Variants in CYP3A5 observed in about 807,000 individuals in gnomAD.
CYP3A5 encodes cytochrome P450 family 3 subfamily A member 5.
Under a neutral mutation model 55.9 loss-of-function variants are expected in CYP3A5, and 51 were observed. The observed-to-expected ratio is 0.91, with a 90% CI of 0.73 to 1.15. The LOEUF is 1.15. CYP3A5 is among the 50% of genes most tolerant of loss of function. The pLI is 0.00. For synonymous variants in CYP3A5, 196 were observed against 213.9 expected (o/e 0.92, Z 0.73); for missense variants, 533 against 596.6 (o/e 0.89, Z 1.11).
At chr7:99,651,635 G>T (rs911637255) in intron 11 of CYP3A5, among the ~76,000 whole-genome samples, 1 of 152,154 alleles carries the variant, frequency 6.6e-6, no homozygotes, top group East Asian at 1.9e-4. Flanking sequence ...AAACTTGCAG[G>T]TAGGGGCTAA....
intron 4 of CYP3A5, chr7:99,671,239 TA>T (rs1296284345): frequency 6.5e-6 from 1 of 153,550 alleles, no homozygotes; most frequent in Non-Finnish European, 1.4e-5. Flanking sequence ...ACCTCTGCTT[TA>T]ATTCTTATCA....
At chr7:99,655,564 T>C (rs1809631741) in intron 10 of CYP3A5, among the ~76,000 whole-genome samples, 1 of 152,242 alleles carries the variant, frequency 6.6e-6, no homozygotes. Flanking sequence ...CAATGCGGGC[T>C]CTTTTTTGGT....
At position 99,672,659 on chromosome 7, in the gene CYP3A5, G is replaced by A; in HGVS notation, c.239C>T (p.Pro80Leu). 6.2e-7 allele frequency: 1 copy of A among 1,614,132 alleles called. No homozygotes were observed. The highest frequency in any genetic ancestry group is 8.5e-7 in the Non-Finnish European group (1 of 1,179,984). ...GTCGGGATCTGTGATGGCCAGCACA[G>A]GGAGTTGACCTTCATACGTTCTGTG... ...KMWGTYEGQL[P>L]VLAITDPDVI... Residue 80 changes from proline to leucine, a missense_variant, in exon 4 of 13, where the codon CCT becomes CTT. Pro to Leu is a moderately conservative substitution (Grantham distance 98). Transcript: ENST00000222982.
chr7:99,657,244 A>G (rs1172350518), intron 10 of CYP3A5, among the ~76,000 whole-genome samples: 1 of 152,142 alleles, frequency 6.6e-6, no homozygotes. Flanking sequence ...CCCTCTACAC[A>G]TTGCTTTGAA....
At chr7:99,672,197 G>GC (rs1472427562) in intron 4 of CYP3A5, among the ~76,000 whole-genome samples, 4 of 151,990 alleles carry the variant, frequency 2.6e-5, no homozygotes, top group Admixed American at 1.3e-4. Context: ...GACTACAGGC[G>GC]CATGCCACCA....
At chr7:99,651,025 A>T (rs1809131301) in intron 11 of CYP3A5, among the ~76,000 whole-genome samples, 3 of 152,306 alleles carry the variant, frequency 2.0e-5, no homozygotes, top group Non-Finnish European at 2.9e-5. Flanking sequence ...TTGTTGTCAT[A>T]TGTTTTTACA....
chr7:99,678,364 ACC>A (rs1812497272), intron 1 of CYP3A5, among the ~76,000 whole-genome samples: 1 of 152,242 alleles, frequency 6.6e-6, no homozygotes, highest in East Asian at 1.9e-4. Context: ...TATGGATCCT[ACC>A]TGGAAGCCTT....
intron 10 of CYP3A5, among the ~76,000 whole-genome samples, chr7:99,658,487 C>T (rs1337054905): frequency 1.3e-5 from 2 of 151,966 alleles, no homozygotes; most frequent in African/African-American, 4.8e-5. Flanking sequence ...GTGGGTAACC[C>T]GACCTTTCTC....
rs112257049 is a variant in CYP3A5, at chr7:99,666,595, A to C, written c.521+6T>G. 66 of 1,613,150 alleles carry C rather than the reference A, an allele frequency of 4.1e-5. No homozygotes were observed. In the African/African-American group the frequency reaches 4.4e-4, roughly 11 times the overall value. ...CTCAGAACCCCATGGCTGTGCTCCT[A>C]CTTACTCTTTCAAGGTGACAGGCTT... is the stretch of plus-strand genomic sequence containing the variant. On this transcript the variant is annotated splice_donor_region_variant and intron_variant, in intron 6 of 12. Coordinates refer to ENST00000222982, the MANE Select transcript of CYP3A5 (RefSeq NM_000777.5).
At chr7:99,679,237 G>C (rs1812590957) in intron 1 of CYP3A5, among the ~76,000 whole-genome samples, 1 of 152,070 alleles carries the variant, frequency 6.6e-6, no homozygotes, top group Admixed American at 6.5e-5. Flanking sequence ...GGATTTTCAG[G>C]GGCATGGCAC....
rs984494886 is a variant in CYP3A5 at position 99,676,113 on chromosome 7, A to C, written c.165+2T>G. The C allele has an allele frequency of 5.0e-6, 8 of 1,613,166 alleles. No homozygotes were observed. Among genetic ancestry groups the C allele is most frequent in the Non-Finnish European group, 6.8e-6 (8 of 1,179,524 alleles). On this transcript the variant is annotated splice_donor_variant, in intron 2 of 12. Coordinates refer to ENST00000222982, the MANE Select transcript of CYP3A5 (RefSeq NM_000777.5). LOFTEE classifies it high-confidence loss of function. ...GCAAAAGAGGAAGCTCAAGCAACTC[A>C]CCTGACGATAGGACAAAACATTTCC...
At chr7:99,665,792 G>A (rs1375362309) in intron 6 of CYP3A5, among the ~76,000 whole-genome samples, 1 of 152,190 alleles carries the variant, frequency 6.6e-6, no homozygotes, top group Non-Finnish European at 1.5e-5. Context: ...TGAGTTCCTA[G>A]AAATATCATC....
At chr7:99,679,792 G>A in intron 1 of CYP3A5, 34 bp downstream of exon 1, 1 of 1,609,260 alleles carries the variant, frequency 6.2e-7, no homozygotes, top group Non-Finnish European at 8.5e-7. Context: ...CCAAGTCCAA[G>A]GAAACAAAGA....
chr7:99,652,771 A>G lies in CYP3A5; in HGVS notation c.1035T>C (p.Pro345=), dbSNP rs773049150. Residue 345 remains proline (P), a synonymous_variant, in exon 11 of 13, where the codon CCT becomes CCC. Transcript: ENST00000222982. ...IDAVLPNKAP[P]TYDAVVQMEY... ...CCATCTGTACCACGGCATCATAGGTAGGTGGTGCCTGGAAGGAAAGAAACA... is the reference window on the plus strand; with the variant it reads ...CCATCTGTACCACGGCATCATAGGTGGGTGGTGCCTGGAAGGAAAGAAACA... 7 of 1,604,786 alleles carry G rather than the reference A, an allele frequency of 4.4e-6. No individual in the cohort carries two copies. In the South Asian group the frequency reaches 7.7e-5, roughly 18 times the overall value.
chr7:99,654,727 C>T (rs1809541460), intron 10 of CYP3A5, among the ~76,000 whole-genome samples: 1 of 152,248 alleles, frequency 6.6e-6, no homozygotes, highest in African/African-American at 2.4e-5. Flanking sequence ...GTTTTCTCCA[C>T]ATCCTCTCCA....
At position 99,660,484 on chromosome 7, in the gene CYP3A5, G is replaced by A; in HGVS notation, c.1026+15C>T. On this transcript the variant is annotated intron_variant, in intron 10 of 12. Transcript: ENST00000222982. Reference sequence around the variant, plus strand: ...CTTCACCTCTTCCCTTCATCTCCAGGGGTCATCCCCTCACCTTATTGGGCA... The same window carrying A: ...CTTCACCTCTTCCCTTCATCTCCAGAGGTCATCCCCTCACCTTATTGGGCA... 1 of 1,595,746 alleles carries A rather than the reference G, an allele frequency of 6.3e-7. No individual in the cohort carries two copies. The highest frequency in any genetic ancestry group is 8.5e-7 in the Non-Finnish European group (1 of 1,171,828).
In CYP3A5 at chr7:99,677,116, T is replaced by C. The variant is rs1245558565; in HGVS notation, c.72-908A>G. ...TCTCTGAGGAAAAACCCATTAAGCC[T>C]GGTGTTCACTATGGCAGGCCTGCCT... On this transcript the variant is annotated intron_variant, in intron 1 of 12. Transcript: ENST00000222982. 4.3e-6 allele frequency: 4 copies of C among 925,990 alleles called. No homozygotes were observed. The African/African-American group carries it at 5.3e-5, about 12-fold the overall frequency. 57.4% of individuals were successfully genotyped at this position (925,990 alleles called of 1,614,324 possible). A position where few individuals can be genotyped will look rare whatever the true frequency, so the allele number is the denominator to read the frequency against.
At position 99,660,626 on chromosome 7, in the gene CYP3A5, A is replaced by G; in HGVS notation, c.899T>C (p.Ile300Thr). Reference sequence around the variant, plus strand: ...TTCATAGCCAGCAAAAATGAAGATTATTGACTGGGCTGCGAGCTCCAGATC... The same window carrying G: ...TTCATAGCCAGCAAAAATGAAGATTGTTGACTGGGCTGCGAGCTCCAGATC... The part of the protein sequence containing the change: ...LSDLELAAQS[I>T]IFIFAGYETT... Residue 300 changes from isoleucine (I) to threonine (T), a missense_variant, in exon 10 of 13, where the codon ATA (isoleucine) becomes ACA (threonine). By Grantham distance (89) the Ile-to-Thr change is moderately conservative. Coordinates refer to ENST00000222982, the MANE Select transcript of CYP3A5 (RefSeq NM_000777.5). 1 of 1,613,970 alleles carries G rather than the reference A, an allele frequency of 6.2e-7. No homozygotes were observed. The highest frequency in any genetic ancestry group is 1.1e-5 in the South Asian group (1 of 91,068).
chr7:99,660,963 G>T (rs974555634), intron 9 of CYP3A5, among the ~76,000 whole-genome samples: 7 of 152,184 alleles, frequency 4.6e-5, no homozygotes, highest in African/African-American at 1.7e-4. Flanking sequence ...CATACTCAGT[G>T]TTATGGGTGT....
Sources: gnomAD v4.1 joint callset for allele counts (sites outside exome capture counted in the v4.1 genomes callset) on GRCh38, gnomAD v4.1.1 for gene constraint, MANE v1.5 for transcripts, NCBI Gene and HGNC (gene_info 2026-07-23, HGNC 2026-07-21) for gene names.